SORBS2: variants seen among roughly 807,000 people sequenced by gnomAD.
SORBS2 encodes the protein sorbin and SH3 domain-containing protein 2.
A neutral mutation model predicts 97.7 loss-of-function variants in SORBS2; 46 were observed. The ratio of observed to expected loss-of-function variants is 0.47; its 90% CI spans 0.37 to 0.60. SORBS2 has a LOEUF of 0.60. Ranked by LOEUF, SORBS2 falls within the 20% of genes least tolerant of loss-of-function variation. The pLI is 0.00. For synonymous variants in SORBS2, 476 were observed against 473.4 expected, an observed-to-expected ratio of 1.01 and a Z score of -0.07; for missense variants, 1,316 against 1,282.3, an observed-to-expected ratio of 1.03 and a Z score of -0.40.
exon 7 of SORBS2, chr4:185,624,173 T>C (rs777028334): frequency 1.2e-6 from 2 of 1,614,230 alleles, no homozygotes; most frequent in Non-Finnish European, 1.7e-6. Context: ...GCAGCTCTCC[T>C]TGGAGTCCTC....
chr4:185,714,367 T>G (rs1346587554), intron 2 of SORBS2, among the ~76,000 whole-genome samples: 1 of 152,208 alleles, frequency 6.6e-6, no homozygotes, highest in African/African-American at 2.4e-5. Context: ...GTTTATATAC[T>G]GAGTTTCATG....
At chr4:185,871,899 C>T (rs898729928) in intron 1 of SORBS2, among the ~76,000 whole-genome samples, 2 of 152,174 alleles carry the variant, frequency 1.3e-5, no homozygotes, top group Non-Finnish European at 2.9e-5. Flanking sequence ...TGAGATGTGA[C>T]TTCCTTCTCT....
chr4:185,759,293 C>A (rs1483210873), intron 2 of SORBS2, among the ~76,000 whole-genome samples: 2 of 152,272 alleles, frequency 1.3e-5, no homozygotes, highest in East Asian at 3.9e-4. Flanking sequence ...TTCCAATTAC[C>A]AACCAGAAGG....
intron 1 of SORBS2, among the ~76,000 whole-genome samples, chr4:185,779,859 G>A (rs1013854287): frequency 2.6e-5 from 4 of 152,102 alleles, no homozygotes; most frequent in Admixed American, 6.6e-5. Context: ...AAACACTGGC[G>A]TGAGTTTCAA....
Position 185,678,418 on chromosome 4 carries a change from G to A in SORBS2, c.-46+5C>T. ...AATGCAGTAGCCAAGAGTGTGCAGG[G>A]TTACCTGAGTTGGTGATCTTTTATC... On this transcript the variant is annotated splice_donor_5th_base_variant and intron_variant, in intron 4 of 20. Coordinates refer to the SORBS2 transcript ENST00000284776. The A allele has an allele frequency of 6.5e-7, 1 of 1,549,016 alleles. No individual in the cohort carries two copies.
chr4:185,721,454 C>T (rs1422193746), intron 2 of SORBS2, among the ~76,000 whole-genome samples: 1 of 152,136 alleles, frequency 6.6e-6, no homozygotes, highest in Non-Finnish European at 1.5e-5. Flanking sequence ...TGGGTCTTTG[C>T]CCTACCTTCC....
intron 1 of SORBS2, among the ~76,000 whole-genome samples, chr4:185,939,449 C>G (rs1439369499): frequency 6.6e-6 from 1 of 152,198 alleles, no homozygotes; most frequent in East Asian, 1.9e-4. Flanking sequence ...GACTGCTGCT[C>G]TATTTCTCCC....
chr4:185,776,683 G>A, intron 1 of SORBS2, among the ~76,000 whole-genome samples: 1 of 151,880 alleles, frequency 6.6e-6, no homozygotes, highest in East Asian at 1.9e-4. Context: ...GGTGGATCAT[G>A]AGGTCAGGAG....
At chr4:185,877,220 CTAT>C (rs1239295414) in intron 1 of SORBS2, among the ~76,000 whole-genome samples, 1 of 151,888 alleles carries the variant, frequency 6.6e-6, no homozygotes, top group Non-Finnish European at 1.5e-5. Flanking sequence ...AAGACAAAAC[CTAT>C]TATTATAATT....
At chr4:185,841,881 T>C (rs2099211764) in intron 1 of SORBS2, among the ~76,000 whole-genome samples, 1 of 152,234 alleles carries the variant, frequency 6.6e-6, no homozygotes, top group Non-Finnish European at 1.5e-5. Flanking sequence ...CCAAACACTG[T>C]TGGAATCAAC....
At chr4:185,692,683 A>C (rs1364323011) in intron 2 of SORBS2, among the ~76,000 whole-genome samples, 1 of 152,226 alleles carries the variant, frequency 6.6e-6, no homozygotes, top group African/African-American at 2.4e-5. Context: ...AAAATGATGA[A>C]AGAAAATAAC....
exon 7 of SORBS2, chr4:185,624,206 C>A: frequency 6.2e-7 from 1 of 1,614,242 alleles, no homozygotes; most frequent in Non-Finnish European, 8.5e-7. Context: ...GGAGCCCATG[C>A]TTTCCGACTT....
chr4:185,946,858 A>G (rs1486677728), intron 1 of SORBS2, among the ~76,000 whole-genome samples: 1 of 152,232 alleles, frequency 6.6e-6, no homozygotes, highest in Non-Finnish European at 1.5e-5. Context: ...TAAAATGCAA[A>G]ATGATGACCT....
At chr4:185,662,160 T>C in exon 5 of SORBS2, 1 of 1,614,128 alleles carries the variant, frequency 6.2e-7, no homozygotes, top group South Asian at 1.1e-5. Flanking sequence ...TGGGAGAGAA[T>C]ATGCCGAGGG....
intron 2 of SORBS2, among the ~76,000 whole-genome samples, chr4:185,726,484 G>A (rs2153566057): frequency 6.6e-6 from 1 of 152,022 alleles, no homozygotes; most frequent in Non-Finnish European, 1.5e-5. Flanking sequence ...AAAGTTTTCA[G>A]GGACCATTTT....
intron 1 of SORBS2, among the ~76,000 whole-genome samples, chr4:185,776,676 G>A (rs1035851577): frequency 1.3e-5 from 2 of 151,990 alleles, no homozygotes; most frequent in African/African-American, 4.8e-5. Context: ...TGAGGCAGGT[G>A]GATCATGAGG....
chr4:185,780,294 C>A (rs1045380255), intron 1 of SORBS2, among the ~76,000 whole-genome samples: 2 of 152,116 alleles, frequency 1.3e-5, no homozygotes, highest in Non-Finnish European at 2.9e-5. Context: ...GGATTACAGG[C>A]GTGAGCCACT....
At chr4:185,669,741 A>G (rs2097680118) in intron 4 of SORBS2, among the ~76,000 whole-genome samples, 1 of 152,218 alleles carries the variant, frequency 6.6e-6, no homozygotes, top group East Asian at 1.9e-4. Flanking sequence ...AGACCAGCGC[A>G]TGCCAAGCCA....
intron 2 of SORBS2, among the ~76,000 whole-genome samples, chr4:185,738,804 CT>C (rs2098704577): frequency 2.6e-5 from 4 of 152,186 alleles, no homozygotes; most frequent in Admixed American, 2.0e-4. Context: ...AAAGTTCAGG[CT>C]TATTTTGTTA....
Sources: gnomAD v4.1 joint callset for allele counts (sites outside exome capture counted in the v4.1 genomes callset) on GRCh38, gnomAD v4.1.1 for gene constraint, MANE v1.5 for transcripts, NCBI Gene and HGNC (gene_info 2026-07-23, HGNC 2026-07-21) for gene names.